ZNF385D: variants seen among roughly 807,000 people sequenced by gnomAD.
ZNF385D encodes zinc finger protein 385D, also known as zinc finger protein 659.
Under a neutral mutation model 35.8 loss-of-function variants are expected in ZNF385D, and 15 were observed. The ratio of observed to expected loss-of-function variants is 0.42; its 90% CI spans 0.28 to 0.64. The LOEUF is 0.64. Ranked by LOEUF, ZNF385D falls within the 30% of genes least tolerant of loss-of-function variation. ZNF385D has a pLI of 0.23. For synonymous variants in ZNF385D, 212 were observed against 186.8 expected, an observed-to-expected ratio of 1.13 and a Z score of -1.10; for missense variants, 474 against 494.6, an observed-to-expected ratio of 0.96 and a Z score of 0.39.
At chr3:21,975,702 AATATATATATATATATATATATATAT>A (rs56303677) in intron 3 of ZNF385D, among the ~76,000 whole-genome samples, 1,409 of 124,052 alleles carry the variant, frequency 0.011, 39 homozygotes, top group African/African-American at 0.031. Context: ...GTACCCACGA[AATATATATATATATATATATATATAT>A]ATATATATAT....
chr3:21,905,707 TA>T (rs1383739462), intron 3 of ZNF385D, among the ~76,000 whole-genome samples: 1 of 150,000 alleles, frequency 6.7e-6, no homozygotes, highest in African/African-American at 2.4e-5. Flanking sequence ...TATATATATA[TA>T]TATTCAGTTC....
At chr3:22,269,219 A>G (rs1390406514) in intron 2 of ZNF385D, among the ~76,000 whole-genome samples, 1 of 151,988 alleles carries the variant, frequency 6.6e-6, no homozygotes, top group Non-Finnish European at 1.5e-5. Flanking sequence ...ATTGTCTAAC[A>G]TATAGTTGGG....
intron 3 of ZNF385D, among the ~76,000 whole-genome samples, chr3:21,934,689 G>T (rs1701176991): frequency 6.6e-6 from 1 of 152,168 alleles, no homozygotes; most frequent in Admixed American, 6.5e-5. Flanking sequence ...GTGATACAAT[G>T]AGAGAGTTCA....
intron 3 of ZNF385D, among the ~76,000 whole-genome samples, chr3:22,138,442 C>T (rs1395802515): frequency 1.3e-5 from 2 of 152,154 alleles, no homozygotes; most frequent in East Asian, 1.9e-4. Context: ...GTAACCAAAA[C>T]AGCATGGTAC....
At chr3:21,950,331 T>C (rs1702004082) in intron 3 of ZNF385D, among the ~76,000 whole-genome samples, 1 of 151,856 alleles carries the variant, frequency 6.6e-6, no homozygotes, top group South Asian at 2.1e-4. Context: ...CTTTTCATGT[T>C]TGTTGGTCAC....
At chr3:21,442,137 A>C (rs2125248513) in intron 4 of ZNF385D, among the ~76,000 whole-genome samples, 1 of 152,302 alleles carries the variant, frequency 6.6e-6, no homozygotes, top group East Asian at 1.9e-4. Context: ...CATAAAGCAT[A>C]AGAAAGGATT....
At chr3:21,807,612 T>C (rs1020977994) in intron 3 of ZNF385D, among the ~76,000 whole-genome samples, 8 of 152,184 alleles carry the variant, frequency 5.3e-5, no homozygotes, top group African/African-American at 1.9e-4. Context: ...AGTAGGCCAA[T>C]AACAAATTTT....
chr3:21,820,971 A>G lies in ZNF385D; in HGVS notation c.326-155943T>C, dbSNP rs547991501. ...AAAATTCTAGAAAAATATTAATTAC[A>G]AAACCGATTAAAAAAATTAAAACCC... is the stretch of plus-strand genomic sequence containing the variant. On this transcript the variant is annotated intron_variant, in intron 3 of 5. Coordinates refer to the ZNF385D transcript ENST00000494108. Among the ~76,000 whole-genome samples, 7 of 152,136 alleles carry G rather than the reference A, an allele frequency of 4.6e-5. No individual in the cohort carries two copies. The South Asian group carries it at 1.5e-3, about 32-fold the overall frequency.
chr3:22,152,179 T>C (rs1417138301), intron 3 of ZNF385D, among the ~76,000 whole-genome samples: 1 of 152,158 alleles, frequency 6.6e-6, no homozygotes. Flanking sequence ...GCAAATGATA[T>C]GATCTCGTTC....
chr3:21,715,523 A>C (rs116569673), intron 1 of ZNF385D, among the ~76,000 whole-genome samples: 5 of 152,114 alleles, frequency 3.3e-5, no homozygotes, highest in African/African-American at 1.2e-4. Flanking sequence ...GGGTGATTCC[A>C]TATCTTTGCT....
At chr3:22,103,770 C>T (rs191407801) in intron 3 of ZNF385D, among the ~76,000 whole-genome samples, 5 of 149,684 alleles carry the variant, frequency 3.3e-5, no homozygotes, top group Admixed American at 2.0e-4. Context: ...CAGGAAAACC[C>T]AGTCCTCTAA....
chr3:22,096,975 G>C (rs1701667777), intron 3 of ZNF385D, among the ~76,000 whole-genome samples: 1 of 151,994 alleles, frequency 6.6e-6, no homozygotes, highest in Admixed American at 6.6e-5. Flanking sequence ...CTATCTCTTA[G>C]GATATTCACC....
intron 4 of ZNF385D, among the ~76,000 whole-genome samples, chr3:21,449,880 A>T (rs924831229): frequency 4.6e-5 from 7 of 152,154 alleles, no homozygotes; most frequent in African/African-American, 1.7e-4. Flanking sequence ...GTCTGAGTGG[A>T]CAGAGAGTGT....
At chr3:21,724,686 G>C (rs1365699134) in intron 1 of ZNF385D, among the ~76,000 whole-genome samples, 1 of 151,878 alleles carries the variant, frequency 6.6e-6, no homozygotes, top group African/African-American at 2.4e-5. Flanking sequence ...CATAAAGAAA[G>C]TTCTTAGAGA....
At chr3:22,306,378 C>T (rs961215636) in intron 2 of ZNF385D, among the ~76,000 whole-genome samples, 17 of 151,832 alleles carry the variant, frequency 1.1e-4, no homozygotes, top group African/African-American at 3.9e-4. Context: ...GAGCATACTT[C>T]ATTTGTTTTC....
At chr3:21,702,089 T>C (rs1202047031) in intron 1 of ZNF385D, among the ~76,000 whole-genome samples, 2 of 152,206 alleles carry the variant, frequency 1.3e-5, no homozygotes, top group East Asian at 3.9e-4. Context: ...GTAAGGACTC[T>C]GTGTGGGGCT....
At chr3:22,359,499 G>T (rs1696316294) in intron 2 of ZNF385D, among the ~76,000 whole-genome samples, 1 of 151,820 alleles carries the variant, frequency 6.6e-6, no homozygotes, top group African/African-American at 2.4e-5. Flanking sequence ...GAAAATAAAT[G>T]TAACAATACT....
intron 2 of ZNF385D, among the ~76,000 whole-genome samples, chr3:21,596,772 G>T (rs1245257412): frequency 6.6e-6 from 1 of 151,812 alleles, no homozygotes; most frequent in East Asian, 1.9e-4. Context: ...AACCAATGCG[G>T]CTGGCCACAA....
chr3:22,072,007 C>G (rs905946496), intron 3 of ZNF385D, among the ~76,000 whole-genome samples: 2 of 152,066 alleles, frequency 1.3e-5, no homozygotes. Context: ...ATACATAATT[C>G]TTTTCTTGAG....
Sources: gnomAD v4.1 joint callset for allele counts (sites outside exome capture counted in the v4.1 genomes callset) on GRCh38, gnomAD v4.1.1 for gene constraint, MANE v1.5 for transcripts, NCBI Gene and HGNC (gene_info 2026-07-23, HGNC 2026-07-21) for gene names.